ZNF430: variants seen among roughly 807,000 people sequenced by gnomAD.
ZNF430 encodes zinc finger protein 430.
In ZNF430, 35 loss-of-function variants were observed where a neutral mutation model predicts 56.7. The ratio of observed to expected loss-of-function variants is 0.62; its 90% CI spans 0.47 to 0.82. ZNF430 has a LOEUF of 0.82. Among genes scored for constraint, ZNF430 ranks in the 40% least tolerant of loss-of-function variants. ZNF430 has a pLI of 0.00. For synonymous variants in ZNF430, 212 were observed against 224.3 expected (o/e 0.94, Z 0.49); for missense variants, 574 against 661.0 (o/e 0.87, Z 1.44).
At chr19:21,026,822 C>CTATTCT (rs1967805327) in intron 2 of ZNF430, among the ~76,000 whole-genome samples, 1 of 60,108 alleles carries the variant, frequency 1.7e-5, no homozygotes, top group Admixed American at 2.2e-4. Context: ...TTTTTCTTTT[C>CTATTCT]TTTTCTTTTT....
intron 4 of ZNF430, among the ~76,000 whole-genome samples, chr19:21,047,146 C>T (rs781362560): frequency 2.6e-5 from 4 of 152,114 alleles, no homozygotes; most frequent in Non-Finnish European, 4.4e-5. Context: ...CTTGTGGTTG[C>T]GTTGTGAAGT....
chr19:21,056,502 AT>A, intron 4 of ZNF430, 128 bp from the exon 5 acceptor site: 5 of 651,324 alleles, frequency 7.7e-6, no homozygotes, highest in Admixed American at 3.8e-5. Context: ...AAAAAAAAAA[AT>A]TAGGGCCTTT....
At chr19:21,025,945 AAC>A in intron 2 of ZNF430, 1 of 420,886 alleles carries the variant, frequency 2.4e-6, no homozygotes, top group Non-Finnish European at 4.5e-6. Flanking sequence ...TGTCATTGAG[AAC>A]AGAGTGATCC....
chr19:21,022,003 A>G (rs180940248), intron 1 of ZNF430, among the ~76,000 whole-genome samples: 14 of 151,868 alleles, frequency 9.2e-5, no homozygotes, highest in Admixed American at 5.9e-4. Flanking sequence ...CTGCCCAGCT[A>G]ATTTTTGTAC....
intron 2 of ZNF430, among the ~76,000 whole-genome samples, chr19:21,028,950 C>G (rs1967852844): frequency 6.6e-6 from 1 of 152,104 alleles, no homozygotes; most frequent in Non-Finnish European, 1.5e-5. Flanking sequence ...TCCCAAAATG[C>G]TGGGATCACA....
intron 4 of ZNF430, among the ~76,000 whole-genome samples, chr19:21,051,899 T>A (rs1160533967): frequency 6.6e-6 from 1 of 152,218 alleles, no homozygotes; most frequent in Non-Finnish European, 1.5e-5. Context: ...GTTCCTTTTT[T>A]TGAATACTTT....
intron 2 of ZNF430, among the ~76,000 whole-genome samples, chr19:21,028,976 G>A (rs941239671): frequency 2.6e-5 from 4 of 152,092 alleles, no homozygotes; most frequent in Non-Finnish European, 5.9e-5. Flanking sequence ...GAGCCACCAT[G>A]CCTGGCAATT....
At chr19:21,055,791 C>T (rs1377026223) in intron 4 of ZNF430, among the ~76,000 whole-genome samples, 1 of 152,096 alleles carries the variant, frequency 6.6e-6, no homozygotes, top group African/African-American at 2.4e-5. Flanking sequence ...ACTTGCTACA[C>T]CTGTTTTCTG....
chr19:21,023,903 T>G (rs1374400288), intron 2 of ZNF430, among the ~76,000 whole-genome samples: 1 of 152,214 alleles, frequency 6.6e-6, no homozygotes, highest in Non-Finnish European at 1.5e-5. Context: ...ATGCATACAT[T>G]ATGTGAAAGA....
chr19:21,042,275 A>C (rs958784654), intron 4 of ZNF430, among the ~76,000 whole-genome samples: 1 of 152,160 alleles, frequency 6.6e-6, no homozygotes, highest in Non-Finnish European at 1.5e-5. Flanking sequence ...GAACATACAC[A>C]TCCACATATC....
intron 2 of ZNF430, 41 bp from the exon 3 acceptor site, chr19:21,033,415 T>C (rs1223224230): frequency 1.3e-6 from 2 of 1,577,430 alleles, no homozygotes; most frequent in Admixed American, 3.8e-5. Flanking sequence ...CCGTGGCCAC[T>C]TGGTAAATAT....
Position 21,056,656 on chromosome 19 carries a change from C to A in ZNF430, c.348C>A (p.Asp116Glu). 4 of 1,541,228 alleles carry A rather than the reference C, an allele frequency of 2.6e-6. No individual in the cohort carries two copies. The highest frequency in any genetic ancestry group is 3.5e-6 in the Non-Finnish European group (4 of 1,145,452). The part of the protein sequence containing the change: ...PPVTYSHFAQ[D>E]LWPEQGIKDS... Reference sequence around the variant, plus strand: ...TTACATATTCTCATTTTGCCCAAGACCTTTGGCCAGAGCAGGGCATAAAAG... The same window carrying A: ...TTACATATTCTCATTTTGCCCAAGAACTTTGGCCAGAGCAGGGCATAAAAG... The change falls in exon 5 of 5, where the codon GAC (aspartate) becomes GAA (glutamate). Residue 116 changes from aspartate to glutamate, a missense_variant. Around this residue, in one of 3 missense-constraint regions of ZNF430, gnomAD observed 346 missense variants for 399.1 expected, o/e 0.87. Coordinates refer to ENST00000261560, the MANE Select transcript of ZNF430 (RefSeq NM_025189.4).
intron 4 of ZNF430, among the ~76,000 whole-genome samples, chr19:21,051,455 C>A (rs1423557758): frequency 1.3e-5 from 2 of 150,338 alleles, no homozygotes; most frequent in Non-Finnish European, 3.0e-5. Flanking sequence ...CTTCATATGG[C>A]CATATATGTG....
chr19:21,053,009 G>A (rs981475660), intron 4 of ZNF430, among the ~76,000 whole-genome samples: 2 of 152,120 alleles, frequency 1.3e-5, no homozygotes, highest in Non-Finnish European at 2.9e-5. Flanking sequence ...TCACCTATTG[G>A]CAAGGGCTTT....
intron 4 of ZNF430, among the ~76,000 whole-genome samples, chr19:21,048,788 C>T (rs1020614846): frequency 8.6e-4 from 131 of 152,054 alleles, no homozygotes; most frequent in African/African-American, 2.8e-3. Context: ...ACCTCCCGGA[C>T]GGGGCGGCTG....
At chr19:21,050,099 C>T (rs371155803) in intron 4 of ZNF430, among the ~76,000 whole-genome samples, 143 of 138,370 alleles carry the variant, frequency 1.0e-3, no homozygotes, top group African/African-American at 2.6e-3. Context: ...TTAGCCAGGA[C>T]GGTCTCGATC....
chr19:21,021,863 T>G (rs1349445957), intron 1 of ZNF430, among the ~76,000 whole-genome samples: 1 of 132,860 alleles, frequency 7.5e-6, no homozygotes, highest in Non-Finnish European at 1.5e-5. Context: ...TGAGATGGAG[T>G]CTCGCTCTTG....
chr19:21,049,047 AG>A (rs1449611720), intron 4 of ZNF430, among the ~76,000 whole-genome samples: 1 of 151,810 alleles, frequency 6.6e-6, no homozygotes, highest in Non-Finnish European at 1.5e-5. Flanking sequence ...TACAAAAATT[AG>A]GTATGTGGTG....
At chr19:21,056,433 G>C (rs1329541001) in intron 4 of ZNF430, among the ~76,000 whole-genome samples, 198 bp from the exon 5 acceptor site, 1 of 150,856 alleles carries the variant, frequency 6.6e-6, no homozygotes, top group Non-Finnish European at 1.5e-5. Flanking sequence ...AGGTGGCAGT[G>C]AGCAGAGATC....
Sources: allele counts gnomAD v4.1 joint callset (sites outside exome capture counted in the v4.1 genomes callset), GRCh38; gene constraint gnomAD v4.1.1; regional missense constraint gnomAD v4.1.1; transcripts MANE v1.5; gene names NCBI Gene and HGNC (gene_info 2026-07-23, HGNC 2026-07-21).